The following RGS13 variants were observed in gnomAD, a reference collection of about 807,000 sequenced individuals.
The protein encoded by RGS13 is regulator of G-protein signalling 13.
A neutral mutation model predicts 19.9 loss-of-function variants in RGS13; 14 were observed. That is an observed-to-expected ratio of 0.70 (90% confidence interval 0.46 to 1.10). The LOEUF (loss-of-function observed/expected upper bound fraction) is 1.10, where lower values mean the gene tolerates loss of function less well. Ranked by LOEUF, RGS13 falls within the 50% of genes least tolerant of loss-of-function variation. The pLI is 0.00. For missense variants in RGS13, 205 were observed against 187.1 expected, an observed-to-expected ratio of 1.10 and a Z score of -0.56; for synonymous variants, 60 against 56.8, an observed-to-expected ratio of 1.06 and a Z score of -0.25.
intron 5 of RGS13, among the ~76,000 whole-genome samples, chr1:192,655,259 C>T (rs944037064): frequency 5.9e-5 from 9 of 152,100 alleles, no homozygotes; most frequent in African/African-American, 1.4e-4. Context: ...CACATGAGTC[C>T]GCTCATTCTG....
At chr1:192,643,490 G>A (rs1282684806) in intron 3 of RGS13, among the ~76,000 whole-genome samples, 1 of 152,014 alleles carries the variant, frequency 6.6e-6, no homozygotes, top group Non-Finnish European at 1.5e-5. Context: ...AACTCTAACT[G>A]AATTTTAAAG....
Position 192,659,832 on chromosome 1 carries a change from G to T in RGS13, c.*309G>T. On this transcript the variant is annotated 3_prime_UTR_variant, in exon 7 of 7. Coordinates refer to ENST00000391995, the MANE Select transcript of RGS13 (RefSeq NM_002927.5). ...GTAGTCAATTAATGGATATTTCCTT[G>T]TTAATAAAATTTTGTGTCATAATTT... The T allele has an allele frequency of 4.9e-6, 1 of 203,200 alleles. No homozygotes were observed. Among genetic ancestry groups the T allele is most frequent in the East Asian group, 1.3e-4 (1 of 7,778 alleles). 12.6% of individuals were successfully genotyped at this position (203,200 alleles called of 1,614,324 possible).
rs1365813918 is a variant in RGS13 at position 192,659,385 on chromosome 1, GGA to G, written c.343_344del (p.Glu115ThrfsTer3). 2.5e-6 allele frequency: 4 copies of G among 1,612,608 alleles called. No homozygotes were observed. Among genetic ancestry groups the G allele is most frequent in the Non-Finnish European group, 3.4e-6 (4 of 1,179,308 alleles). ...TRETIIRNIQ[E>X]PTETCFEEAQ... ...GAGAGACTATCATCAGGAACATTCA[GGA>G]ACCCACTGAAACATGTTTTGAAGAA... On this transcript the variant is annotated frameshift_variant, in exon 7 of 7. Coordinates refer to ENST00000391995, the MANE Select transcript of RGS13 (RefSeq NM_002927.5). LOFTEE classifies it high-confidence loss of function.
chr1:192,641,064 G>A (rs1000759434), intron 3 of RGS13, among the ~76,000 whole-genome samples: 8 of 150,298 alleles, frequency 5.3e-5, no homozygotes, highest in South Asian at 4.2e-4. Flanking sequence ...TCATTATTAC[G>A]TCTTTCTATC....
chr1:192,649,697 T>G (rs1483273551), intron 5 of RGS13, among the ~76,000 whole-genome samples: 1 of 152,152 alleles, frequency 6.6e-6, no homozygotes, highest in Non-Finnish European at 1.5e-5. Context: ...GGTCACTTCA[T>G]TTTCTACTTG....
At chr1:192,638,242 T>A (rs1165500135) in intron 3 of RGS13, 39 bp downstream of exon 3, 2 of 152,110 alleles carry the variant, frequency 1.3e-5, no homozygotes, top group Non-Finnish European at 2.9e-5. Context: ...GCATCTGCCT[T>A]CCATCTTCCA....
At chr1:192,641,772 G>A (rs77823429) in intron 3 of RGS13, among the ~76,000 whole-genome samples, 2 of 152,040 alleles carry the variant, frequency 1.3e-5, no homozygotes, top group Admixed American at 6.6e-5. Context: ...CTTCCTGGAC[G>A]ATCTCGTCAT....
chr1:192,648,688 G>A (rs530893660), intron 5 of RGS13, among the ~76,000 whole-genome samples: 1 of 152,114 alleles, frequency 6.6e-6, no homozygotes, highest in African/African-American at 2.4e-5. Flanking sequence ...TTTAAATGGA[G>A]TTGGTTCCCC....
At chr1:192,638,712 A>C (rs970897530) in intron 3 of RGS13, among the ~76,000 whole-genome samples, 6 of 152,078 alleles carry the variant, frequency 3.9e-5, no homozygotes, top group African/African-American at 1.4e-4. Flanking sequence ...CTTATAGTCT[A>C]TTTATTCTAT....
intron 5 of RGS13, among the ~76,000 whole-genome samples, chr1:192,650,506 A>G (rs907666397): frequency 2.0e-4 from 31 of 152,156 alleles, no homozygotes; most frequent in African/African-American, 7.2e-4. Context: ...TGCATATTTT[A>G]CATAGATTAA....
chr1:192,641,250 AAAGAAAAGAAAG>A (rs1558049208), intron 3 of RGS13, among the ~76,000 whole-genome samples: 93 of 56,276 alleles, frequency 1.7e-3, no homozygotes, highest in East Asian at 8.9e-3. Context: ...GAAAGAAAAG[AAAGAAAAGAAAG>A]AAAGAAAGAA....
intron 3 of RGS13, among the ~76,000 whole-genome samples, chr1:192,643,390 CTT>C (rs780027250): frequency 6.1e-4 from 93 of 152,150 alleles, no homozygotes; most frequent in African/African-American, 1.8e-3. Context: ...TTTAATGACT[CTT>C]AACAAATTTG....
chr1:192,659,289 T>G (rs1663563583), intron 6 of RGS13, 49 bp from the exon 7 acceptor site: 1 of 1,455,128 alleles, frequency 6.9e-7, no homozygotes, highest in Non-Finnish European at 9.4e-7. Context: ...TATGTGCCTT[T>G]TTTTCAACTA....
intron 5 of RGS13, among the ~76,000 whole-genome samples, chr1:192,656,698 C>G (rs1466635949): frequency 1.3e-5 from 2 of 152,004 alleles, no homozygotes; most frequent in African/African-American, 4.8e-5. Flanking sequence ...TGCATTTGCT[C>G]ACGTGATAAT....
chr1:192,641,209 A>C (rs1374734159), intron 3 of RGS13, among the ~76,000 whole-genome samples: 1 of 91,266 alleles, frequency 1.1e-5, no homozygotes, highest in Non-Finnish European at 2.1e-5. Context: ...AAAAGGAAAG[A>C]AAGAAAGAAA....
intron 4 of RGS13, chr1:192,646,564 T>C (rs1221918419): frequency 6.6e-6 from 1 of 152,192 alleles, no homozygotes; most frequent in Non-Finnish European, 1.5e-5. Flanking sequence ...ATGTCTGCCA[T>C]GATGGTTTGC....
intron 5 of RGS13, among the ~76,000 whole-genome samples, chr1:192,649,039 C>T (rs970518331): frequency 1.1e-4 from 17 of 152,164 alleles, no homozygotes; most frequent in African/African-American, 2.9e-4. Context: ...ACCATTCTGG[C>T]GCTTACTTCT....
intron 5 of RGS13, among the ~76,000 whole-genome samples, chr1:192,649,843 A>C (rs920402194): frequency 4.6e-5 from 7 of 152,016 alleles, no homozygotes; most frequent in African/African-American, 1.7e-4. Context: ...TTTATCTTCT[A>C]TTTTGTTAGT....
chr1:192,654,888 C>G (rs1663407559), intron 5 of RGS13, among the ~76,000 whole-genome samples: 1 of 152,038 alleles, frequency 6.6e-6, no homozygotes, highest in African/African-American at 2.4e-5. Flanking sequence ...CTATGTATGA[C>G]ATAAGCCATT....
Sources: allele counts gnomAD v4.1 joint callset (sites outside exome capture counted in the v4.1 genomes callset), GRCh38; gene constraint gnomAD v4.1.1; transcripts MANE v1.5; gene names NCBI Gene and HGNC (gene_info 2026-07-23, HGNC 2026-07-21).